The following ANKRD11 variants were observed in gnomAD, a reference collection of about 807,000 sequenced individuals.
ANKRD11 encodes the protein ankyrin repeat domain 11.
A neutral mutation model predicts 195.7 loss-of-function variants in ANKRD11; 17 were observed. That is an observed-to-expected ratio of 0.09 (90% CI 0.06 to 0.13). The LOEUF (loss-of-function observed/expected upper bound fraction) is 0.13. Ranked by LOEUF, ANKRD11 falls within the 10% of genes least tolerant of loss-of-function variation. The pLI, the probability that ANKRD11 is intolerant of heterozygous loss-of-function variation, is 1.00. For missense variants in ANKRD11, 3,735 were observed against 3,566.1 expected (o/e 1.05, Z -1.21); for synonymous variants, 1,953 against 1,528.1 (o/e 1.28, Z -6.49).
chr16:89,441,589 A>G (rs1294671665), intron 1 of ANKRD11, among the ~76,000 whole-genome samples: 1 of 151,864 alleles, frequency 6.6e-6, no homozygotes, highest in Admixed American at 6.6e-5. Context: ...AACATGGTAA[A>G]ACCCCACCTC....
intron 2 of ANKRD11, among the ~76,000 whole-genome samples, chr16:89,382,651 TC>T (rs563442041): frequency 2.0e-5 from 3 of 147,076 alleles, no homozygotes; most frequent in Non-Finnish European, 3.0e-5. Flanking sequence ...AATAAACAAT[TC>T]CCCCCCTCCA....
chr16:89,395,238 G>C (rs943386297), intron 2 of ANKRD11, among the ~76,000 whole-genome samples: 7 of 152,236 alleles, frequency 4.6e-5, no homozygotes, highest in Admixed American at 3.9e-4. Context: ...TGCAAGCCAA[G>C]TAAACTGGCT....
chr16:89,446,800 C>T (rs112088430), intron 1 of ANKRD11, among the ~76,000 whole-genome samples: 3 of 152,172 alleles, frequency 2.0e-5, no homozygotes, highest in African/African-American at 7.2e-5. Context: ...CACAGCCTCC[C>T]ACTCAAACCT....
chr16:89,473,643 T>TA (rs1389834483), intron 1 of ANKRD11, among the ~76,000 whole-genome samples: 1 of 152,166 alleles, frequency 6.6e-6, no homozygotes, highest in African/African-American at 2.4e-5. Context: ...CACAGACTGA[T>TA]ACGTCATGGA....
In ANKRD11 at chr16:89,268,355, G is replaced by GTCTC. The variant is rs2032811665; in HGVS notation, c.*119_*122dup. ...GATGGAGGCGCTGTGGCCAAGTGCA[G>GTCTC]TCTCTCTCGGGGTCTCTCCCCGCCC... is the stretch of plus-strand genomic sequence containing the variant. On this transcript the variant is annotated 3_prime_UTR_variant, in exon 13 of 13. Transcript: ENST00000301030. 2 of 512,654 alleles carry GTCTC rather than the reference G, an allele frequency of 3.9e-6. No individual in the cohort carries two copies. The highest frequency in any genetic ancestry group is 7.1e-5 in the Admixed American group (2 of 28,148). The allele number at this position is 512,654 out of a possible 1,614,324, so 31.8% of individuals were successfully genotyped here.
At position 89,460,522 on chromosome 16, in the gene ANKRD11, G is replaced by A. The variant is rs1567836302; in HGVS notation, c.-145+29723C>T. Among the ~76,000 whole-genome samples, 2 of 152,252 alleles carry A rather than the reference G, an allele frequency of 1.3e-5. 1 individual carries two copies. The highest frequency in any genetic ancestry group is 4.1e-4 in the South Asian group (2 of 4,830). On this transcript the variant is annotated intron_variant, in intron 1 of 12. Coordinates refer to ENST00000301030, the MANE Select transcript of ANKRD11 (RefSeq NM_013275.6). Reference sequence around the variant, plus strand: ...TGCAGTGAGCCAAGATAGTGCCATTGCACTCCAGCCTTGGTGACAGAGCGA... The same window carrying A: ...TGCAGTGAGCCAAGATAGTGCCATTACACTCCAGCCTTGGTGACAGAGCGA...
At chr16:89,301,614 AG>A (rs1442138212) in intron 4 of ANKRD11, 1 of 398,624 alleles carries the variant, frequency 2.5e-6, no homozygotes, top group East Asian at 3.6e-5. Flanking sequence ...GCCTGGTCCT[AG>A]GACGGGCTCT....
At chr16:89,323,381 G>A in intron 2 of ANKRD11, 1 of 1,279,156 alleles carries the variant, frequency 7.8e-7, no homozygotes, top group African/African-American at 1.5e-5. Flanking sequence ...CCATCTCAGT[G>A]GGCAAGGGGA....
chr16:89,446,455 T>G (rs2043796711), intron 1 of ANKRD11, among the ~76,000 whole-genome samples: 1 of 151,936 alleles, frequency 6.6e-6, no homozygotes, highest in Admixed American at 6.6e-5. Context: ...AACACAAAAC[T>G]TATCCGGGTG....
At chr16:89,313,803 C>T (rs550193106) in intron 3 of ANKRD11, among the ~76,000 whole-genome samples, 15 of 152,314 alleles carry the variant, frequency 9.8e-5, no homozygotes, top group South Asian at 2.1e-4. Context: ...CCCAGGCATT[C>T]TATTTCAAGC....
chr16:89,313,429 G>A, intron 3 of ANKRD11: 1 of 1,289,136 alleles, frequency 7.8e-7, no homozygotes, highest in South Asian at 1.2e-5. Context: ...TGCAGAAGGG[G>A]CCCTTTCTCT....
chr16:89,352,727 C>A (rs2039280238), intron 2 of ANKRD11, among the ~76,000 whole-genome samples: 1 of 152,196 alleles, frequency 6.6e-6, no homozygotes, highest in Admixed American at 6.5e-5. Flanking sequence ...CTGGGTGAGT[C>A]CCGCTTGCCT....
At chr16:89,287,838 T>G in intron 7 of ANKRD11, 1 of 245,376 alleles carries the variant, frequency 4.1e-6, no homozygotes, top group Non-Finnish European at 7.8e-6. Flanking sequence ...CAGGCTGGGC[T>G]TGCTGCAGAG....
intron 1 of ANKRD11, among the ~76,000 whole-genome samples, chr16:89,460,649 GTTGT>G (rs2056621773): frequency 6.6e-6 from 1 of 152,042 alleles, no homozygotes; most frequent in African/African-American, 2.4e-5. Context: ...AAGCAGGCGG[GTTGT>G]TTGAGCCCAG....
At chr16:89,388,483 C>G (rs1273672717) in intron 2 of ANKRD11, among the ~76,000 whole-genome samples, 1 of 151,896 alleles carries the variant, frequency 6.6e-6, no homozygotes, top group Non-Finnish European at 1.5e-5. Context: ...AGAAAATAAG[C>G]AAGATTTGCG....
intron 2 of ANKRD11, among the ~76,000 whole-genome samples, chr16:89,357,626 C>T (rs1462253696): frequency 1.3e-5 from 2 of 152,178 alleles, no homozygotes; most frequent in South Asian, 4.1e-4. Context: ...TGTCCCCTGG[C>T]GGATGACAGA....
intron 1 of ANKRD11, chr16:89,420,017 T>C (rs1366863376): frequency 6.6e-6 from 1 of 152,080 alleles, no homozygotes; most frequent in Non-Finnish European, 1.5e-5. Flanking sequence ...CTACAAAAAA[T>C]TCAAAAAATT....
In ANKRD11 at chr16:89,281,789, T is replaced by G; in HGVS notation, c.4753A>C (p.Arg1585=). ...DGDLMMTSFE[R]MLSQKDLEIE... ...TCCAGGTCCTTCTGGGACAGCATCCTCTCGAAGCTGGTCATCATCAGGTCG... is the reference window on the plus strand; with the variant it reads ...TCCAGGTCCTTCTGGGACAGCATCCGCTCGAAGCTGGTCATCATCAGGTCG... Residue 1585 remains arginine (R), a synonymous_variant, in exon 9 of 13, where the codon AGG becomes CGG. Transcript: ENST00000301030. The surrounding 1 kb of genome is among the most constrained non-coding windows in gnomAD (Gnocchi z 5.5). 1 of 1,614,056 alleles carries G rather than the reference T, an allele frequency of 6.2e-7. No homozygotes were observed. Among genetic ancestry groups the G allele is most frequent in the Non-Finnish European group, 8.5e-7 (1 of 1,180,010 alleles).
intron 2 of ANKRD11, among the ~76,000 whole-genome samples, chr16:89,405,908 G>A (rs564733996): frequency 1.6e-4 from 24 of 152,148 alleles, no homozygotes; most frequent in Non-Finnish European, 2.5e-4. Context: ...ACAGGAGTTC[G>A]AGAGCAGTCT....
Sources: gnomAD v4.1 joint callset for allele counts (sites outside exome capture counted in the v4.1 genomes callset) on GRCh38, gnomAD v4.1.1 for gene constraint, Gnocchi (gnomAD v3.1) non-coding constraint, MANE v1.5 for transcripts, NCBI Gene and HGNC (gene_info 2026-07-23, HGNC 2026-07-21) for gene names.